The following PCDH7 variants were observed in gnomAD, a reference collection of about 807,000 sequenced individuals.
The protein encoded by PCDH7 is protocadherin 7.
In PCDH7, 17 loss-of-function variants were observed where a neutral mutation model predicts 58.9. The observed-to-expected ratio is 0.29, with a 90% CI of 0.20 to 0.43. The LOEUF (loss-of-function observed/expected upper bound fraction) is 0.43, where lower values mean the gene tolerates loss of function less well. Ranked by LOEUF, PCDH7 falls within the 20% of genes least tolerant of loss-of-function variation. The pLI, the probability that PCDH7 is intolerant of heterozygous loss-of-function variation, is 1.00. For synonymous variants in PCDH7, 664 were observed against 616.4 expected, an observed-to-expected ratio of 1.08 and a Z score of -1.14; for missense variants, 1,274 against 1,441.0, an observed-to-expected ratio of 0.88 and a Z score of 1.88.
At chr4:30,812,308 A>C (rs1036997774) in intron 1 of PCDH7, among the ~76,000 whole-genome samples, 1 of 152,198 alleles carries the variant, frequency 6.6e-6, no homozygotes, top group Admixed American at 6.5e-5. Flanking sequence ...TATGTTTACC[A>C]ATATTTGTTT....
intron 1 of PCDH7, among the ~76,000 whole-genome samples, chr4:30,856,230 T>C (rs1733439205): frequency 6.6e-6 from 1 of 152,126 alleles, no homozygotes; most frequent in Non-Finnish European, 1.5e-5. Context: ...AAGCACTCTC[T>C]TTTTCTATCT....
intron 3 of PCDH7, among the ~76,000 whole-genome samples, chr4:31,049,167 A>C (rs1756541972): frequency 1.3e-5 from 2 of 151,920 alleles, no homozygotes; most frequent in Admixed American, 6.6e-5. Context: ...ACCCCACAAC[A>C]GGCCCCGGTG....
chr4:30,750,739 A>G (rs1718403954), intron 1 of PCDH7, among the ~76,000 whole-genome samples: 1 of 152,130 alleles, frequency 6.6e-6, no homozygotes, highest in African/African-American at 2.4e-5. Flanking sequence ...GTACTGGCCC[A>G]TGTACCGAGA....
At chr4:31,038,444 C>T (rs935334487) in intron 3 of PCDH7, among the ~76,000 whole-genome samples, 2 of 151,444 alleles carry the variant, frequency 1.3e-5, no homozygotes, top group African/African-American at 4.9e-5. Context: ...TAAATATAAG[C>T]AAAATAAATA....
chr4:31,082,272 T>C (rs1000955348), intron 3 of PCDH7, among the ~76,000 whole-genome samples: 1 of 152,176 alleles, frequency 6.6e-6, no homozygotes, highest in African/African-American at 2.4e-5. Context: ...CAAATCAATA[T>C]AGTCAAAATT....
intron 3 of PCDH7, among the ~76,000 whole-genome samples, chr4:31,108,060 G>A (rs1386674679): frequency 3.0e-4 from 45 of 151,830 alleles, no homozygotes. Context: ...CATTTCCAAA[G>A]AAAACTACAG....
At chr4:31,001,548 C>T (rs1032444560) in intron 3 of PCDH7, among the ~76,000 whole-genome samples, 7 of 151,978 alleles carry the variant, frequency 4.6e-5, no homozygotes, top group Non-Finnish European at 1.0e-4. Flanking sequence ...ATCATACCCA[C>T]ACACACACGT....
At chr4:30,812,217 A>G (rs1727111143) in intron 1 of PCDH7, among the ~76,000 whole-genome samples, 1 of 152,206 alleles carries the variant, frequency 6.6e-6, no homozygotes, top group Non-Finnish European at 1.5e-5. Context: ...TAGTCTGTGT[A>G]ATGTATTTGA....
Position 30,722,654 on chromosome 4 carries a change from A to G in PCDH7, c.1232A>G (p.Asn411Ser). 1 of 1,613,540 alleles carries G rather than the reference A, an allele frequency of 6.2e-7. No individual in the cohort carries two copies. Among genetic ancestry groups the G allele is most frequent in the Non-Finnish European group, 8.5e-7 (1 of 1,180,028 alleles). ...CTTAACATCAAAGACGAGAACGACA[A>G]CGTGCCGTCCATTGAAATCCGCAAG... Residue 411 changes from asparagine (N) to serine (S), a missense_variant, in exon 1 of 2, where the codon AAC becomes AGC. Around this residue, in one of 3 missense-constraint regions of PCDH7, gnomAD observed 731 missense variants for 881.9 expected, o/e 0.83. Transcript: ENST00000361762. The surrounding 1 kb of genome is among the most constrained non-coding windows in gnomAD (Gnocchi z 7.6).
chr4:31,041,330 T>C (rs1443185076), intron 3 of PCDH7, among the ~76,000 whole-genome samples: 1 of 152,204 alleles, frequency 6.6e-6, no homozygotes, highest in Admixed American at 6.5e-5. Flanking sequence ...AATATTTTAG[T>C]AATACATTGG....
At chr4:30,925,521 C>T (rs578238576) in intron 2 of PCDH7, among the ~76,000 whole-genome samples, 3 of 152,088 alleles carry the variant, frequency 2.0e-5, no homozygotes, top group African/African-American at 4.8e-5. Flanking sequence ...CCTGTCATAC[C>T]TTTTTTCGTC....
At chr4:31,128,072 T>A (rs1718515673) in intron 3 of PCDH7, among the ~76,000 whole-genome samples, 1 of 150,348 alleles carries the variant, frequency 6.7e-6, no homozygotes, top group Non-Finnish European at 1.5e-5. Flanking sequence ...TATATATGTG[T>A]GTGTATATAT....
intron 3 of PCDH7, among the ~76,000 whole-genome samples, chr4:30,956,506 A>T (rs1747879876): frequency 6.6e-6 from 1 of 152,186 alleles, no homozygotes; most frequent in Non-Finnish European, 1.5e-5. Context: ...TGTAGACTAC[A>T]CTTTGTATCT....
At chr4:31,060,061 G>T (rs1264972726) in intron 3 of PCDH7, among the ~76,000 whole-genome samples, 3 of 151,676 alleles carry the variant, frequency 2.0e-5, no homozygotes, top group Non-Finnish European at 4.4e-5. Flanking sequence ...AGAGTGTGCT[G>T]ATTTCCATTA....
intron 3 of PCDH7, among the ~76,000 whole-genome samples, chr4:30,969,085 G>A (rs1230663001): frequency 6.6e-6 from 1 of 152,176 alleles, no homozygotes; most frequent in Non-Finnish European, 1.5e-5. Context: ...CACTGCACCA[G>A]GAACAAAGAG....
At chr4:30,995,660 C>T (rs1751836656) in intron 3 of PCDH7, among the ~76,000 whole-genome samples, 1 of 152,140 alleles carries the variant, frequency 6.6e-6, no homozygotes, top group Non-Finnish European at 1.5e-5. Context: ...TCTCACTGAA[C>T]TAGAATCAAG....
chr4:30,741,266 G>C (rs77464432), intron 1 of PCDH7, among the ~76,000 whole-genome samples: 1 of 149,664 alleles, frequency 6.7e-6, no homozygotes, highest in Non-Finnish European at 1.5e-5. Flanking sequence ...TTTTTTTTTA[G>C]AGCCGAGTGT....
At chr4:30,805,662 G>A (rs1726104954) in intron 1 of PCDH7, among the ~76,000 whole-genome samples, 1 of 152,120 alleles carries the variant, frequency 6.6e-6, no homozygotes, top group Non-Finnish European at 1.5e-5. Context: ...CAACCAGTTG[G>A]TTTAGGGTAA....
chr4:30,773,704 G>A (rs924645539), intron 1 of PCDH7, among the ~76,000 whole-genome samples: 1 of 152,088 alleles, frequency 6.6e-6, no homozygotes, highest in African/African-American at 2.4e-5. Flanking sequence ...GAGGGTTGCT[G>A]TCTCTCCAGC....
Sources: allele counts gnomAD v4.1 joint callset (sites outside exome capture counted in the v4.1 genomes callset), GRCh38; gene constraint gnomAD v4.1.1; regional missense constraint gnomAD v4.1.1; non-coding constraint Gnocchi (gnomAD v3.1); transcripts MANE v1.5; gene names NCBI Gene and HGNC (gene_info 2026-07-23, HGNC 2026-07-21).